The following C1orf87 variants were observed in gnomAD, a reference collection of about 807,000 sequenced individuals.
C1orf87 encodes chromosome 1 open reading frame 87, also known as uncharacterized protein C1orf87.
Under a neutral mutation model 60.5 loss-of-function variants are expected in C1orf87, and 58 were observed. The observed-to-expected ratio is 0.96, with a 90% CI of 0.78 to 1.19. The LOEUF is 1.19. Among genes scored for constraint, C1orf87 ranks in the 50% most tolerant of loss-of-function variants. The pLI is 0.00. For missense variants in C1orf87, 673 were observed against 638.6 expected (o/e 1.05, Z -0.58); for synonymous variants, 236 against 227.4 (o/e 1.04, Z -0.34).
At chr1:60,047,697 A>G (rs1645382573) in intron 3 of C1orf87, among the ~76,000 whole-genome samples, 1 of 150,490 alleles carries the variant, frequency 6.6e-6, no homozygotes, top group Non-Finnish European at 1.5e-5. Flanking sequence ...TACTCTACCT[A>G]TATTTTATTT....
rs545061428 is a variant in C1orf87, at chr1:60,051,167, T to C, written c.342+4037A>G. ...GTGAGATGTGGGGATGAAAGTGAAA[T>C]AGAGAATAGACAGAGTTGAGCTAGA... On this transcript the variant is annotated intron_variant, in intron 3 of 11. Transcript: ENST00000371201. Among the ~76,000 whole-genome samples, 277 of 152,258 alleles carry C rather than the reference T, an allele frequency of 1.8e-3. 1 individual carries two copies. Among genetic ancestry groups the C allele is most frequent in the Middle Eastern group, 6.8e-3 (2 of 294 alleles).
Position 60,041,050 on chromosome 1 carries a change from T to C in C1orf87, c.424A>G (p.Arg142Gly). The C allele has an allele frequency of 6.2e-7, 1 of 1,613,602 alleles. No individual in the cohort carries two copies. The highest frequency in any genetic ancestry group is 8.5e-7 in the Non-Finnish European group (1 of 1,179,626). Reference sequence around the variant, plus strand: ...TCCAAGGACCAGTCTCTAAGCTTTCTCCTGGGAATGCCATGCACATAGGAT... The same window carrying C: ...TCCAAGGACCAGTCTCTAAGCTTTCCCCTGGGAATGCCATGCACATAGGAT... ...SLSYVHGIPR[R>G]KLRDWSLEQM... Residue 142 changes from arginine to glycine, a missense_variant, in exon 4 of 12, where the codon AGA becomes GGA. Arg to Gly is a moderately radical substitution (Grantham distance 125). Coordinates refer to ENST00000371201, the MANE Select transcript of C1orf87 (RefSeq NM_152377.3).
intron 6 of C1orf87, 50 bp from the exon 7 acceptor site, chr1:60,033,691 G>A (rs1377405196): frequency 6.4e-7 from 1 of 1,561,468 alleles, no homozygotes; most frequent in African/African-American, 1.4e-5. Context: ...TCCACCCAAG[G>A]CAGCTGCATG....
At chr1:60,037,864 C>T (rs376370974) in intron 6 of C1orf87, 128 bp downstream of exon 6, 22 of 521,034 alleles carry the variant, frequency 4.2e-5, no homozygotes, top group East Asian at 5.7e-5. Flanking sequence ...TTTCAGCCTT[C>T]GCTTCAGCAC....
intron 8 of C1orf87, among the ~76,000 whole-genome samples, chr1:60,015,931 A>G (rs1645121322): frequency 6.6e-6 from 1 of 152,090 alleles, no homozygotes; most frequent in East Asian, 1.9e-4. Flanking sequence ...TTGTATTTTT[A>G]GTAGAGGCAG....
chr1:60,061,776 CAAAAAAAA>C, intron 2 of C1orf87, among the ~76,000 whole-genome samples: 1 of 53,172 alleles, frequency 1.9e-5, no homozygotes, highest in African/African-American at 7.3e-5. Flanking sequence ...CCATCTCTAC[CAAAAAAAA>C]AAAAAAAAAA....
At chr1:60,062,844 T>G in intron 2 of C1orf87, among the ~76,000 whole-genome samples, 1 of 152,164 alleles carries the variant, frequency 6.6e-6, no homozygotes. Context: ...AGTCTCAATA[T>G]TTGGGATCAA....
chr1:60,002,959 TC>T (rs1317427516), intron 9 of C1orf87, among the ~76,000 whole-genome samples: 1 of 151,724 alleles, frequency 6.6e-6, no homozygotes, highest in African/African-American at 2.4e-5. Context: ...GACCCAGCCA[TC>T]CCATTACTGG....
At chr1:59,994,990 C>T (rs1025109895) in intron 11 of C1orf87, among the ~76,000 whole-genome samples, 1 of 152,178 alleles carries the variant, frequency 6.6e-6, no homozygotes, top group South Asian at 2.1e-4. Flanking sequence ...CTGGCTGACA[C>T]ATTCCTTGGC....
Position 59,997,797 on chromosome 1 carries a change from A to G in C1orf87, c.1292T>C (p.Leu431Pro), listed in dbSNP as rs1644973766. 1 of 1,613,566 alleles carries G rather than the reference A, an allele frequency of 6.2e-7. No homozygotes were observed. Among genetic ancestry groups the G allele is most frequent in the Admixed American group, 1.7e-5 (1 of 59,930 alleles). Residue 431 changes from leucine to proline, a missense_variant, in exon 11 of 12, where the codon CTG (leucine) becomes CCG (proline). Coordinates refer to ENST00000371201, the MANE Select transcript of C1orf87 (RefSeq NM_152377.3). The part of the protein sequence containing the change: ...TEHMKTPEEE[L>P]QPESSPAETS... ...TTCAGCAGGAGAGCTTTCTGGCTGC[A>G]GCTCCTCTTCTGGAGTTTTCTACCA...
chr1:60,071,620 G>A (rs1645584502), intron 2 of C1orf87, among the ~76,000 whole-genome samples: 1 of 152,154 alleles, frequency 6.6e-6, no homozygotes, highest in South Asian at 2.1e-4. Context: ...ATTAAAGCCT[G>A]TACTTCATAA....
At chr1:59,995,087 G>A (rs748363875) in intron 11 of C1orf87, among the ~76,000 whole-genome samples, 7 of 152,258 alleles carry the variant, frequency 4.6e-5, no homozygotes, top group African/African-American at 1.2e-4. Flanking sequence ...CAAATCTGTC[G>A]GAATCTGCCT....
chr1:59,998,083 G>T lies in C1orf87; in HGVS notation c.1273-267C>A, dbSNP rs573942498. ...TCATTTTTGACTTGCATGAAGCAAA[G>T]AACTTTGTAACTGACTGAGGCTTTT... On this transcript the variant is annotated intron_variant, in intron 10 of 11. Coordinates refer to ENST00000371201, the MANE Select transcript of C1orf87 (RefSeq NM_152377.3). 4.6e-5 allele frequency among the ~76,000 whole-genome samples: 7 copies of T among 150,922 alleles called. No homozygotes were observed. The South Asian group carries it at 8.4e-4, about 18-fold the overall frequency.
At chr1:60,056,198 C>T (rs911310943) in intron 2 of C1orf87, among the ~76,000 whole-genome samples, 54 of 152,014 alleles carry the variant, frequency 3.6e-4, no homozygotes, top group African/African-American at 1.3e-3. Flanking sequence ...GAGCCGAGAT[C>T]GCACCACTAG....
intron 7 of C1orf87, among the ~76,000 whole-genome samples, chr1:60,027,441 G>A (rs548971233): frequency 2.6e-5 from 4 of 152,160 alleles, no homozygotes; most frequent in South Asian, 2.1e-4. Context: ...AGAACCTGGC[G>A]CTTCCTCTGG....
chr1:59,991,552 TA>T, intron 11 of C1orf87, among the ~76,000 whole-genome samples: 1 of 152,334 alleles, frequency 6.6e-6, no homozygotes, highest in South Asian at 2.1e-4. Flanking sequence ...TTCTATTTTT[TA>T]AAATATTTTT....
chr1:60,035,260 C>T (rs1465310144), intron 6 of C1orf87, among the ~76,000 whole-genome samples: 5 of 152,180 alleles, frequency 3.3e-5, no homozygotes, highest in African/African-American at 1.2e-4. Flanking sequence ...TTCCTCTTTT[C>T]TTGCAAGGAC....
At chr1:60,048,038 A>C (rs1157292563) in intron 3 of C1orf87, among the ~76,000 whole-genome samples, 4 of 152,140 alleles carry the variant, frequency 2.6e-5, no homozygotes, top group African/African-American at 9.7e-5. Context: ...TCATGGCCTT[A>C]TGTAGTCTCC....
At chr1:60,044,565 G>T (rs1382446181) in intron 3 of C1orf87, among the ~76,000 whole-genome samples, 1 of 152,150 alleles carries the variant, frequency 6.6e-6, no homozygotes, top group Non-Finnish European at 1.5e-5. Context: ...CCCTGAATCT[G>T]CTGACAAACT....
Sources: allele counts gnomAD v4.1 joint callset (sites outside exome capture counted in the v4.1 genomes callset), GRCh38; gene constraint gnomAD v4.1.1; transcripts MANE v1.5; gene names NCBI Gene and HGNC (gene_info 2026-07-23, HGNC 2026-07-21).